Variants in CREB3L2 observed in about 807,000 individuals in gnomAD.
CREB3L2 encodes cAMP responsive element binding protein 3 like 2, also known as cyclic AMP-responsive element-binding protein 3-like protein 2.
Under a neutral mutation model 57.2 loss-of-function variants are expected in CREB3L2, and 23 were observed. That is an observed-to-expected ratio of 0.40 (90% confidence interval 0.29 to 0.57). The LOEUF (loss-of-function observed/expected upper bound fraction) is 0.57, where lower values mean the gene tolerates loss of function less well. Ranked by LOEUF, CREB3L2 falls within the 20% of genes least tolerant of loss-of-function variation. The probability of loss-of-function intolerance (pLI) is 0.42; values close to 1 mark genes in which losing one functional copy is unlikely to be tolerated. For synonymous variants in CREB3L2, 268 were observed against 265.1 expected, an observed-to-expected ratio of 1.01 and a Z score of -0.11; for missense variants, 628 against 634.7, an observed-to-expected ratio of 0.99 and a Z score of 0.11.
chr7:137,912,842 A>G, intron 4 of CREB3L2, 149 bp downstream of exon 4: 6 of 1,527,924 alleles, frequency 3.9e-6, no homozygotes, highest in Non-Finnish European at 5.3e-6. Flanking sequence ...TGGAAGCAAA[A>G]TTTTTATTTT....
At chr7:137,885,199 G>A (rs1388775118) in intron 9 of CREB3L2, 78 bp from the exon 10 acceptor site, 2 of 1,526,206 alleles carry the variant, frequency 1.3e-6, no homozygotes, top group Non-Finnish European at 1.8e-6. Flanking sequence ...TTTATACCCA[G>A]GGACACAGAC....
intron 1 of CREB3L2, among the ~76,000 whole-genome samples, chr7:137,994,027 G>A (rs1801943955): frequency 6.6e-6 from 1 of 152,208 alleles, no homozygotes; most frequent in African/African-American, 2.4e-5. Flanking sequence ...ACTGAGCAGG[G>A]AAAAAGAGAA....
chr7:137,977,927 A>C (rs1436354661), intron 1 of CREB3L2, among the ~76,000 whole-genome samples: 1 of 151,426 alleles, frequency 6.6e-6, no homozygotes, highest in Non-Finnish European at 1.5e-5. Flanking sequence ...AAAGAAAAGA[A>C]AGGAAAAAAG....
At chr7:137,946,178 GTGTGGCC>G in intron 1 of CREB3L2, among the ~76,000 whole-genome samples, 1 of 152,232 alleles carries the variant, frequency 6.6e-6, no homozygotes, top group East Asian at 1.9e-4. Context: ...CTTCCCTTGA[GTGTGGCC>G]TGTGCAACAT....
At chr7:137,982,438 A>G (rs1380191839) in intron 1 of CREB3L2, among the ~76,000 whole-genome samples, 4 of 122,390 alleles carry the variant, frequency 3.3e-5, no homozygotes, top group Admixed American at 7.4e-5. Flanking sequence ...CCCAAATCTC[A>G]TCTTGAATTT....
At chr7:137,978,925 T>C (rs1014313776) in intron 1 of CREB3L2, among the ~76,000 whole-genome samples, 7 of 152,144 alleles carry the variant, frequency 4.6e-5, no homozygotes, top group African/African-American at 1.4e-4. Context: ...AGTGGCCCCA[T>C]GCATGGTGGG....
chr7:137,934,745 G>A (rs1800742698), intron 1 of CREB3L2, among the ~76,000 whole-genome samples: 1 of 152,206 alleles, frequency 6.6e-6, no homozygotes, highest in Non-Finnish European at 1.5e-5. Context: ...CAGCAATAAG[G>A]ATGGAGATAC....
At chr7:137,939,299 G>A (rs561897321) in intron 1 of CREB3L2, among the ~76,000 whole-genome samples, 3 of 152,294 alleles carry the variant, frequency 2.0e-5, no homozygotes, top group South Asian at 4.1e-4. Context: ...GGGGCAGCCT[G>A]GAGTAGGGCA....
intron 1 of CREB3L2, among the ~76,000 whole-genome samples, chr7:137,968,222 T>A (rs1201736880): frequency 1.3e-5 from 2 of 151,886 alleles, no homozygotes; most frequent in African/African-American, 4.8e-5. Context: ...TTTTTTTTTT[T>A]AATTATACTT....
intron 1 of CREB3L2, among the ~76,000 whole-genome samples, chr7:137,973,257 G>A (rs1801549475): frequency 6.6e-6 from 1 of 151,370 alleles, no homozygotes; most frequent in South Asian, 2.1e-4. Flanking sequence ...CTTAATCATA[G>A]AAGTCCCCAT....
At chr7:137,894,914 C>T (rs551453490) in intron 8 of CREB3L2, among the ~76,000 whole-genome samples, 4 of 152,128 alleles carry the variant, frequency 2.6e-5, no homozygotes, top group African/African-American at 4.8e-5. Flanking sequence ...CCCCATTCTA[C>T]CTCTAAATGT....
intron 8 of CREB3L2, among the ~76,000 whole-genome samples, chr7:137,889,546 T>C (rs963345127): frequency 6.6e-6 from 1 of 152,228 alleles, no homozygotes; most frequent in African/African-American, 2.4e-5. Context: ...AAATACACAT[T>C]TTTAGTTCGA....
At chr7:137,986,759 T>C (rs370339442) in intron 1 of CREB3L2, among the ~76,000 whole-genome samples, 1 of 152,324 alleles carries the variant, frequency 6.6e-6, no homozygotes, top group East Asian at 1.9e-4. Flanking sequence ...AGTGTCCTCC[T>C]AGAAGTCTGT....
rs1554498019 is a variant in CREB3L2, at chr7:137,922,410, A to ATGTG, written c.319+5739_319+5740insCACA. ...TATATATATATATATATATATATAT[A>ATGTG]TATATGTATATATATATATATATAT... On this transcript the variant is annotated intron_variant, in intron 2 of 11. Coordinates refer to ENST00000330387, the MANE Select transcript of CREB3L2 (RefSeq NM_194071.4). Among the ~76,000 whole-genome samples the ATGTG allele has an allele frequency of 3.1e-4, 8 of 25,872 alleles. No homozygotes were observed. In the Admixed American group the frequency reaches 4.5e-3, roughly 15 times the overall value. 17.0% of individuals were successfully genotyped at this position (25,872 alleles called of 152,430 possible).
intron 1 of CREB3L2, among the ~76,000 whole-genome samples, chr7:137,984,240 C>G (rs1801758723): frequency 6.6e-6 from 1 of 152,202 alleles, no homozygotes; most frequent in Non-Finnish European, 1.5e-5. Context: ...TCCTTACTAT[C>G]AGACACCAAT....
At chr7:137,946,190 C>T (rs1349620354) in intron 1 of CREB3L2, among the ~76,000 whole-genome samples, 1 of 152,004 alleles carries the variant, frequency 6.6e-6, no homozygotes, top group Non-Finnish European at 1.5e-5. Context: ...GTGGCCTGTG[C>T]AACATGTGAT....
intron 1 of CREB3L2, chr7:137,956,574 C>T (rs895225054): frequency 1.6e-6 from 2 of 1,287,978 alleles, no homozygotes; most frequent in Non-Finnish European, 2.0e-6. Flanking sequence ...CTCTACCTTC[C>T]ATCTTTCAGG....
chr7:138,000,591 A>G (rs548880765), intron 1 of CREB3L2, among the ~76,000 whole-genome samples: 3 of 152,266 alleles, frequency 2.0e-5, no homozygotes, highest in Admixed American at 6.5e-5. Context: ...CCATTTTGCG[A>G]AAGTTTCAAA....
chr7:137,924,644 CCTTT>C (rs1005808634), intron 2 of CREB3L2, among the ~76,000 whole-genome samples: 4 of 152,050 alleles, frequency 2.6e-5, no homozygotes, highest in Admixed American at 2.6e-4. Context: ...CTTCCTTCTT[CCTTT>C]TTTTTTGGTG....
Sources: allele counts gnomAD v4.1 joint callset (sites outside exome capture counted in the v4.1 genomes callset), GRCh38; gene constraint gnomAD v4.1.1; transcripts MANE v1.5; gene names NCBI Gene and HGNC (gene_info 2026-07-23, HGNC 2026-07-21).